The following CDH13 variants were observed in gnomAD, a reference collection of about 807,000 sequenced individuals.
The protein encoded by CDH13 is cadherin 13, also known as cadherin-13.
Under a neutral mutation model 63.8 loss-of-function variants are expected in CDH13, and 24 were observed. That is an observed-to-expected ratio of 0.38 (90% CI 0.27 to 0.53). CDH13 has a LOEUF of 0.53. Among genes scored for constraint, CDH13 ranks in the 20% least tolerant of loss-of-function variants. The pLI, the probability that CDH13 is intolerant of heterozygous loss-of-function variation, is 0.85. For synonymous variants in CDH13, 503 were observed against 355.3 expected, an observed-to-expected ratio of 1.42 and a Z score of -4.67; for missense variants, 1,049 against 903.1, an observed-to-expected ratio of 1.16 and a Z score of -2.07.
intron 7 of CDH13, among the ~76,000 whole-genome samples, chr16:83,492,690 G>C (rs1364033185): frequency 1.3e-5 from 2 of 152,216 alleles, no homozygotes; most frequent in African/African-American, 4.8e-5. Flanking sequence ...GCTAAGTCCT[G>C]GGGTCTGAAA....
At chr16:82,879,254 C>T (rs1469714549) in intron 2 of CDH13, among the ~76,000 whole-genome samples, 1 of 151,962 alleles carries the variant, frequency 6.6e-6, no homozygotes, top group Non-Finnish European at 1.5e-5. Context: ...CTAGAAAAAG[C>T]TCCTTAGCTT....
At chr16:83,532,114 T>G (rs2075096069) in intron 7 of CDH13, among the ~76,000 whole-genome samples, 1 of 152,206 alleles carries the variant, frequency 6.6e-6, no homozygotes, top group African/African-American at 2.4e-5. Flanking sequence ...TTCTCTTGTC[T>G]GCTGCCATGT....
At chr16:82,938,613 G>C (rs1167867946) in intron 2 of CDH13, among the ~76,000 whole-genome samples, 1 of 152,180 alleles carries the variant, frequency 6.6e-6, no homozygotes, top group Non-Finnish European at 1.5e-5. Flanking sequence ...AGATGACATG[G>C]GTTTGTGTGT....
rs11314879 is a variant in CDH13, at chr16:83,056,464, CA to C, written c.366+24256del. The stretch of plus-strand genomic sequence containing the variant: ...TCATATGTATATACCAAATACATAG[CA>C]AAAAAAAAAGCAACTGTTATTATGC... On this transcript the variant is annotated intron_variant, in intron 3 of 13. Coordinates refer to ENST00000567109, the MANE Select transcript of CDH13 (RefSeq NM_001257.5). 0.011 allele frequency among the ~76,000 whole-genome samples: 1,488 copies of C among 139,994 alleles called. 53 individuals are homozygous for C. The East Asian group carries it at 0.15, about 14-fold the overall frequency. 91.8% of individuals were successfully genotyped at this position (139,994 alleles called of 152,430 possible).
At chr16:83,729,461 G>A (rs427585) in intron 10 of CDH13, among the ~76,000 whole-genome samples, 111,162 of 151,954 alleles carry the variant, frequency 0.73, 41,186 homozygotes, top group Middle Eastern at 0.81. Context: ...AACTGAGATA[G>A]GCAAAACTAA....
At chr16:83,627,314 A>C (rs1567465291) in intron 8 of CDH13, among the ~76,000 whole-genome samples, 1 of 152,080 alleles carries the variant, frequency 6.6e-6, no homozygotes. Context: ...AAAGATTCCT[A>C]TTCATGGACC....
intron 3 of CDH13, among the ~76,000 whole-genome samples, chr16:83,046,449 A>G (rs1567778348): frequency 6.6e-6 from 1 of 152,216 alleles, no homozygotes; most frequent in Non-Finnish European, 1.5e-5. Context: ...AAAAGGATAG[A>G]AAAAGAAAAG....
intron 1 of CDH13, among the ~76,000 whole-genome samples, chr16:82,763,165 G>A (rs1355685293): frequency 1.3e-5 from 2 of 152,124 alleles, no homozygotes; most frequent in Non-Finnish European, 2.9e-5. Context: ...GCCCCACCCA[G>A]TATCTGTAAG....
intron 1 of CDH13, among the ~76,000 whole-genome samples, chr16:82,832,029 T>G (rs1357873408): frequency 7.2e-5 from 11 of 152,340 alleles, no homozygotes; most frequent in African/African-American, 2.2e-4. Flanking sequence ...TATGATAAAT[T>G]AATTAGAATA....
At chr16:83,720,099 G>T (rs763247538) in intron 10 of CDH13, among the ~76,000 whole-genome samples, 1 of 152,172 alleles carries the variant, frequency 6.6e-6, no homozygotes, top group Non-Finnish European at 1.5e-5. Flanking sequence ...GCACCAAATG[G>T]TTGCTGCTGC....
intron 6 of CDH13, among the ~76,000 whole-genome samples, chr16:83,452,497 G>A (rs2072911294): frequency 6.6e-6 from 1 of 151,982 alleles, no homozygotes; most frequent in African/African-American, 2.4e-5. Context: ...TATGATTTTA[G>A]CATCACGTGG....
chr16:82,903,334 C>T (rs143119575), intron 2 of CDH13, among the ~76,000 whole-genome samples: 37 of 152,332 alleles, frequency 2.4e-4, no homozygotes, highest in African/African-American at 7.9e-4. Context: ...ATGCCATCTA[C>T]CTGCACCTGT....
At chr16:82,751,575 G>C (rs2034416862) in intron 1 of CDH13, among the ~76,000 whole-genome samples, 1 of 152,010 alleles carries the variant, frequency 6.6e-6, no homozygotes, top group Admixed American at 6.5e-5. Flanking sequence ...CAGAATTATA[G>C]GACAGAGCCC....
intron 4 of CDH13, among the ~76,000 whole-genome samples, chr16:83,168,859 T>C (rs1198772864): frequency 6.6e-6 from 1 of 152,144 alleles, no homozygotes; most frequent in Non-Finnish European, 1.5e-5. Context: ...TGATATTTAA[T>C]GTCCACATAA....
At chr16:82,744,826 G>A (rs2034088189) in intron 1 of CDH13, among the ~76,000 whole-genome samples, 1 of 152,090 alleles carries the variant, frequency 6.6e-6, no homozygotes, top group Admixed American at 6.6e-5. Flanking sequence ...AATAGCCTCG[G>A]CCATTTGTAC....
chr16:83,603,414 T>A (rs909614499), intron 8 of CDH13, among the ~76,000 whole-genome samples: 2 of 152,192 alleles, frequency 1.3e-5, no homozygotes, highest in African/African-American at 4.8e-5. Flanking sequence ...GATTTGACTG[T>A]GTGAGCCTGG....
intron 1 of CDH13, among the ~76,000 whole-genome samples, chr16:82,635,931 G>C (rs367704615): frequency 2.0e-5 from 3 of 152,034 alleles, no homozygotes; most frequent in South Asian, 4.2e-4. Flanking sequence ...GTGTGAAGAC[G>C]TGCCTCCTTC....
At chr16:82,813,394 G>T (rs2037544570) in intron 1 of CDH13, among the ~76,000 whole-genome samples, 1 of 152,158 alleles carries the variant, frequency 6.6e-6, no homozygotes, top group South Asian at 2.1e-4. Flanking sequence ...TCCAAGAGCT[G>T]AGTGTTGCAT....
At chr16:83,775,575 T>G (rs1243421158) in intron 11 of CDH13, among the ~76,000 whole-genome samples, 1 of 152,196 alleles carries the variant, frequency 6.6e-6, no homozygotes, top group Non-Finnish European at 1.5e-5. Context: ...AGTCCCATTC[T>G]AGCTCCATTT....
Sources: allele counts gnomAD v4.1 joint callset (sites outside exome capture counted in the v4.1 genomes callset), GRCh38; gene constraint gnomAD v4.1.1; transcripts MANE v1.5; gene names NCBI Gene and HGNC (gene_info 2026-07-23, HGNC 2026-07-21).